The following VWA5A variants were observed in gnomAD, a reference collection of about 807,000 sequenced individuals.
VWA5A encodes the protein von Willebrand factor A domain-containing protein 5A.
Under a neutral mutation model 84.6 loss-of-function variants are expected in VWA5A, and 77 were observed. The observed-to-expected ratio is 0.91, with a 90% CI of 0.76 to 1.10. The LOEUF (loss-of-function observed/expected upper bound fraction) is 1.10. Ranked by LOEUF, VWA5A falls within the 50% of genes least tolerant of loss-of-function variation. VWA5A has a pLI of 0.00. For missense variants in VWA5A, 973 were observed against 963.0 expected (o/e 1.01, Z -0.14); for synonymous variants, 334 against 350.1 (o/e 0.95, Z 0.51).
chr11:124,118,143 C>T, intron 4 of VWA5A, 46 bp from the exon 5 acceptor site: 1 of 1,586,604 alleles, frequency 6.3e-7, no homozygotes, highest in Admixed American at 1.7e-5. Context: ...GCCATGTCAC[C>T]TTGGATGTTC....
chr11:124,134,873 T>G (rs1221397362), intron 11 of VWA5A, 47 bp from the exon 12 acceptor site: 1 of 1,445,564 alleles, frequency 6.9e-7, no homozygotes. Flanking sequence ...TTTTATATTT[T>G]CACTGTTTAA....
At chr11:124,139,988 T>C (rs933655334) in intron 15 of VWA5A, among the ~76,000 whole-genome samples, 10 of 152,168 alleles carry the variant, frequency 6.6e-5, no homozygotes, top group Non-Finnish European at 1.3e-4. Context: ...ACCTATTTTG[T>C]TGAGAGTTTT....
intron 15 of VWA5A, among the ~76,000 whole-genome samples, chr11:124,138,455 C>A (rs1860658367): frequency 1.3e-5 from 2 of 151,896 alleles, no homozygotes; most frequent in African/African-American, 4.8e-5. Flanking sequence ...TACTTGTTAT[C>A]TTTTGTCTTT....
chr11:124,118,631 C>T lies in VWA5A; in HGVS notation c.568C>T (p.His190Tyr). 5 of 1,614,172 alleles carry T rather than the reference C, an allele frequency of 3.1e-6. No homozygotes were observed. Among genetic ancestry groups the T allele is most frequent in the Non-Finnish European group, 3.4e-6 (4 of 1,180,036 alleles). ...CATGGTCGCCACCATAGATTCCCAG[C>T]ATGGCATTGAGAAGGTCCAATCCAA... is the stretch of plus-strand genomic sequence containing the variant. ...LSMVATIDSQ[H>Y]GIEKVQSNCP... is the part of the protein sequence containing the mutation. Residue 190 changes from histidine (H) to tyrosine (Y), a missense_variant, in exon 6 of 19, where the codon CAT becomes TAT. By Grantham distance (83) the His-to-Tyr change is moderately conservative (BLOSUM62 2). Coordinates refer to ENST00000456829, the MANE Select transcript of VWA5A (RefSeq NM_001130142.2).
chr11:124,136,446 C>T (rs1860586580), intron 13 of VWA5A, 128 bp from the exon 14 acceptor site: 3 of 1,416,758 alleles, frequency 2.1e-6, no homozygotes, highest in Non-Finnish European at 2.9e-6. Context: ...TCTCCGGTTT[C>T]CTAGGCTACC....
rs1314053171 is a variant in VWA5A, at chr11:124,118,610, G to T, written c.547G>T (p.Val183Phe). The T allele has an allele frequency of 6.2e-7, 1 of 1,614,124 alleles. No individual in the cohort carries two copies. Among genetic ancestry groups the T allele is most frequent in the Non-Finnish European group, 8.5e-7 (1 of 1,180,016 alleles). ...GGACCTGCCCTACACACTCAGCATG[G>T]TCGCCACCATAGATTCCCAGCATGG... ...VEDLPYTLSM[V>F]ATIDSQHGIE... The change falls in exon 6 of 19, where the codon GTC (valine) becomes TTC (phenylalanine). Residue 183 changes from valine (V) to phenylalanine (F), a missense_variant. Transcript: ENST00000456829.
chr11:124,119,516 A>C lies in VWA5A; in HGVS notation c.760+427A>C, dbSNP rs1218902571. ...AAAGTGAACTAACCTTTCGAGGATA[A>C]ATTTGGCCATATGTGTTAAATCAAT... On this transcript the variant is annotated intron_variant, in intron 7 of 18. Transcript: ENST00000456829. Among the ~76,000 whole-genome samples, 4 of 152,338 alleles carry C rather than the reference A, an allele frequency of 2.6e-5. No individual in the cohort carries two copies. In the East Asian group the frequency reaches 5.8e-4, roughly 22 times the overall value.
intron 4 of VWA5A, 24 bp from the exon 5 acceptor site, chr11:124,118,165 C>T (rs1180000243): frequency 6.2e-7 from 1 of 1,604,770 alleles, no homozygotes; most frequent in Admixed American, 1.7e-5. Context: ...CTTTCTTTCC[C>T]ATCCCTCGCC....
chr11:124,141,746 G>A lies in VWA5A; in HGVS notation c.2023+5G>A. ...ACAAGGACCAGCACAGTCCAGGTGA[G>A]TACCTTTATAGGAACATTTTCTCAA... On this transcript the variant is annotated splice_donor_5th_base_variant and intron_variant, in intron 16 of 18. Coordinates refer to ENST00000456829, the MANE Select transcript of VWA5A (RefSeq NM_001130142.2). The A allele has an allele frequency of 6.2e-7, 1 of 1,612,156 alleles. No individual in the cohort carries two copies.
At chr11:124,142,665 A>G (rs895337652) in intron 17 of VWA5A, 93 bp downstream of exon 17, 4 of 1,513,656 alleles carry the variant, frequency 2.6e-6, no homozygotes, top group Middle Eastern at 2.3e-4. Context: ...GAGGAAGGAA[A>G]ATATAGGGGG....
At chr11:124,122,270 C>G (rs763499595) in intron 7 of VWA5A, among the ~76,000 whole-genome samples, 5 of 152,238 alleles carry the variant, frequency 3.3e-5, no homozygotes, top group Admixed American at 6.5e-5. Flanking sequence ...TCAGCCCTCA[C>G]TTGCTTCTAA....
intron 7 of VWA5A, among the ~76,000 whole-genome samples, chr11:124,119,620 TG>T (rs1434873428): frequency 6.6e-6 from 1 of 152,242 alleles, no homozygotes; most frequent in Non-Finnish European, 1.5e-5. Flanking sequence ...TGCACTGAGA[TG>T]TCCCCCACCA....
intron 11 of VWA5A, among the ~76,000 whole-genome samples, chr11:124,125,600 C>T (rs1865008085): frequency 6.6e-6 from 1 of 152,158 alleles, no homozygotes; most frequent in Non-Finnish European, 1.5e-5. Context: ...ATGGTTTTAA[C>T]TTACATTTTC....
Position 124,118,593 on chromosome 11 carries a change from C to A in VWA5A, c.530C>A (p.Pro177His), listed in dbSNP as rs1230999951. The change falls in exon 6 of 19, where the codon CCC (proline) becomes CAC (histidine). Residue 177 changes from proline to histidine, a missense_variant. Transcript: ENST00000456829. ...CCTATAGTCCCTGTGGAGGACCTGC[C>A]CTACACACTCAGCATGGTCGCCACC... ...KTPIVPVEDLPYTLSMVATID... is the reference protein window; with the variant it reads ...KTPIVPVEDLHYTLSMVATID... The A allele has an allele frequency of 1.2e-6, 2 of 1,614,008 alleles. No individual in the cohort carries two copies. Among genetic ancestry groups the A allele is most frequent in the Non-Finnish European group, 1.7e-6 (2 of 1,180,024 alleles).
At chr11:124,145,431 A>G (rs1317624074) in intron 18 of VWA5A, 68 bp downstream of exon 18, 9 of 1,503,530 alleles carry the variant, frequency 6.0e-6, no homozygotes, top group Middle Eastern at 1.8e-4. Context: ...ACCACAAGAG[A>G]GTCCCATTGT....
intron 4 of VWA5A, 75 bp from the exon 5 acceptor site, chr11:124,118,114 A>G (rs753073656): frequency 3.3e-4 from 496 of 1,497,282 alleles, no homozygotes; most frequent in Non-Finnish European, 4.2e-4. Context: ...GTCGCTCTGC[A>G]CTGCTCGTCT....
At chr11:124,140,119 C>T (rs1860698172) in intron 15 of VWA5A, among the ~76,000 whole-genome samples, 2 of 152,164 alleles carry the variant, frequency 1.3e-5, no homozygotes, top group South Asian at 4.1e-4. Flanking sequence ...ACCAACTTTT[C>T]ATCTCTTGGA....
chr11:124,136,563 C>CT lies in VWA5A; in HGVS notation c.1525-10dup, dbSNP rs1860589817. ...CATGTTCCGTCATTTCTACTCATCT[C>CT]TAATTTGCAGGCAGCAGAGACAACA... On this transcript the variant is annotated splice_polypyrimidine_tract_variant and intron_variant, in intron 13 of 18. Coordinates refer to ENST00000456829, the MANE Select transcript of VWA5A (RefSeq NM_001130142.2). 6.2e-7 allele frequency: 1 copy of CT among 1,613,000 alleles called. No homozygotes were observed. Among genetic ancestry groups the CT allele is most frequent in the Non-Finnish European group, 8.5e-7 (1 of 1,179,102 alleles).
chr11:124,139,906 C>G (rs1860693204), intron 15 of VWA5A, among the ~76,000 whole-genome samples: 1 of 152,134 alleles, frequency 6.6e-6, no homozygotes, highest in African/African-American at 2.4e-5. Flanking sequence ...TTCAACTTTT[C>G]CCTCTTCAAT....
Sources: allele counts gnomAD v4.1 joint callset (sites outside exome capture counted in the v4.1 genomes callset), GRCh38; gene constraint gnomAD v4.1.1; transcripts MANE v1.5; gene names NCBI Gene and HGNC (gene_info 2026-07-23, HGNC 2026-07-21).